CTBP1: variants seen among roughly 807,000 people sequenced by gnomAD.
The protein encoded by CTBP1 is C-terminal-binding protein 1.
In CTBP1, 11 loss-of-function variants were observed where a neutral mutation model predicts 42.1. That is an observed-to-expected ratio of 0.26 (90% CI 0.16 to 0.43). CTBP1 has a LOEUF of 0.43. Ranked by LOEUF, CTBP1 falls within the 20% of genes least tolerant of loss-of-function variation. The pLI is 1.00. For synonymous variants in CTBP1, 324 were observed against 277.1 expected (o/e 1.17, Z -1.68); for missense variants, 399 against 624.3 (o/e 0.64, Z 3.85).
chr4:1,239,846 T>G (rs537772906), intron 2 of CTBP1, among the ~76,000 whole-genome samples: 1 of 152,344 alleles, frequency 6.6e-6, no homozygotes, highest in Non-Finnish European at 1.5e-5. Context: ...CAAAACCGCG[T>G]CCTGGTTCGC....
intron 6 of CTBP1, among the ~76,000 whole-genome samples, 195 bp from the exon 7 acceptor site, chr4:1,214,668 G>T (rs1427789714): frequency 6.6e-6 from 1 of 152,260 alleles, no homozygotes; most frequent in Non-Finnish European, 1.5e-5. Flanking sequence ...GGCTGGCTGA[G>T]GATCTGCCCT....
At chr4:1,237,550 G>A (rs1321331733) in intron 3 of CTBP1, 4 of 679,742 alleles carry the variant, frequency 5.9e-6, no homozygotes, top group Non-Finnish European at 1.1e-5. Context: ...TCCACCTCCT[G>A]ATGGGGCTCA....
At chr4:1,234,343 C>T (rs540575092) in intron 3 of CTBP1, among the ~76,000 whole-genome samples, 1 of 152,316 alleles carries the variant, frequency 6.6e-6, no homozygotes, top group South Asian at 2.1e-4. Flanking sequence ...CTTTCTGTGG[C>T]GCCGGCTCTG....
intron 4 of CTBP1, among the ~76,000 whole-genome samples, chr4:1,225,929 C>T (rs1168751314): frequency 2.0e-5 from 3 of 152,058 alleles, no homozygotes; most frequent in African/African-American, 4.8e-5. Context: ...CGATTCCTCT[C>T]GGGGGTACCC....
chr4:1,242,911 G>A (rs906764098), intron 1 of CTBP1: 4 of 985,050 alleles, frequency 4.1e-6, no homozygotes, highest in Non-Finnish European at 4.8e-6. Flanking sequence ...ACTCATCAAT[G>A]CCAGCCGATA....
chr4:1,228,422 G>A, intron 3 of CTBP1, 79 bp from the exon 4 acceptor site: 2 of 1,523,686 alleles, frequency 1.3e-6, no homozygotes, highest in African/African-American at 1.4e-5. Flanking sequence ...GGCTGCCCCG[G>A]CTGGGAAATT....
At chr4:1,247,627 G>T (rs1354751628) in intron 1 of CTBP1, among the ~76,000 whole-genome samples, 1 of 152,196 alleles carries the variant, frequency 6.6e-6, no homozygotes, top group Non-Finnish European at 1.5e-5. Context: ...GCTGCAGACG[G>T]GTACACAGAC....
rs1337029260 is a variant in CTBP1 at position 1,243,211 on chromosome 4, C to T, written c.-188-1692G>A. ...GGATCATCGATACCCATCAATGCTG[C>T]TCAATGCTTATCTATACTGGCCAGT... On this transcript the variant is annotated intron_variant, in intron 1 of 9. Coordinates refer to ENST00000382952, the MANE Select transcript of CTBP1 (RefSeq NM_001012614.2). 5 of 985,306 alleles carry T rather than the reference C, an allele frequency of 5.1e-6. No individual in the cohort carries two copies. In the African/African-American group the frequency reaches 8.7e-5, roughly 17 times the overall value. 61.0% of individuals were successfully genotyped at this position (985,306 alleles called of 1,614,324 possible).
At chr4:1,213,455 G>A in intron 8 of CTBP1, 23 bp downstream of exon 8, 2 of 1,606,526 alleles carry the variant, frequency 1.2e-6, no homozygotes, top group East Asian at 4.5e-5. Context: ...CCCCAGGCCT[G>A]ACCGAGCGGC....
intron 2 of CTBP1, among the ~76,000 whole-genome samples, chr4:1,240,232 G>A (rs1732029545): frequency 1.5e-5 from 2 of 132,822 alleles, no homozygotes; most frequent in African/African-American, 2.8e-5. Context: ...CGTCGGAACC[G>A]TGTGGGGCAC....
chr4:1,220,963 G>A (rs769064341), intron 5 of CTBP1, among the ~76,000 whole-genome samples: 17 of 152,236 alleles, frequency 1.1e-4, no homozygotes, highest in Non-Finnish European at 2.1e-4. Context: ...CGGGTGATAC[G>A]CTGGGCTTCA....
intron 4 of CTBP1, among the ~76,000 whole-genome samples, chr4:1,226,274 C>T (rs1402135650): frequency 6.6e-6 from 1 of 152,124 alleles, no homozygotes; most frequent in Non-Finnish European, 1.5e-5. Flanking sequence ...TGGCCAGGGC[C>T]GCCCCTGCAC....
chr4:1,248,791 AC>A, intron 1 of CTBP1, 124 bp downstream of exon 1: 1 of 941,430 alleles, frequency 1.1e-6, no homozygotes, highest in Non-Finnish European at 1.3e-6. Context: ...GCGCACGCGC[AC>A]TCGCACACAA....
At chr4:1,214,600 GGGCTCACC>G in intron 6 of CTBP1, 127 bp from the exon 7 acceptor site, 2 of 1,250,342 alleles carry the variant, frequency 1.6e-6, no homozygotes, top group Middle Eastern at 5.0e-4. Context: ...GCCCCACCCT[GGGCTCACC>G]ACGGCGCTAG....
In CTBP1 at chr4:1,221,625, G is replaced by C. The variant is rs577822583; in HGVS notation, c.514+3735C>G. The stretch of plus-strand genomic sequence containing the variant: ...AGAGGCATCACCCCGACTGACGGGA[G>C]GCGGACACAGAAGGCTGCGTGCCCG... On this transcript the variant is annotated intron_variant, in intron 5 of 9. Transcript: ENST00000382952. 1.9e-3 allele frequency: 461 copies of C among 243,486 alleles called. 11 individuals are homozygous for C. The highest frequency in any genetic ancestry group is 0.016 in the South Asian group (451 of 28,060). The allele number at this position is 243,486 out of a possible 1,614,324, so 15.1% of individuals were successfully genotyped here.
chr4:1,215,820 GCTGT>G, intron 6 of CTBP1, 167 bp downstream of exon 6: 2 of 648,002 alleles, frequency 3.1e-6, no homozygotes, highest in Non-Finnish European at 5.3e-6. Context: ...CACAGAAAAC[GCTGT>G]CTGGGCAGAC....
At chr4:1,218,911 C>T (rs990887072) in intron 5 of CTBP1, among the ~76,000 whole-genome samples, 2 of 152,036 alleles carry the variant, frequency 1.3e-5, no homozygotes, top group African/African-American at 2.4e-5. Context: ...CAGATGACAC[C>T]GAAATCCAAA....
chr4:1,245,033 A>G, intron 1 of CTBP1: 2 of 985,444 alleles, frequency 2.0e-6, no homozygotes, highest in Non-Finnish European at 2.4e-6. Flanking sequence ...CACTGGGCTG[A>G]GAGCACGGGG....
chr4:1,248,710 C>A (rs1577090714), intron 1 of CTBP1: 3 of 982,020 alleles, frequency 3.1e-6, no homozygotes, highest in Non-Finnish European at 2.4e-6. Context: ...CGCGCACACG[C>A]AGCGGCCCGC....
Sources: gnomAD v4.1 joint callset for allele counts (sites outside exome capture counted in the v4.1 genomes callset) on GRCh38, gnomAD v4.1.1 for gene constraint, MANE v1.5 for transcripts, NCBI Gene and HGNC (gene_info 2026-07-23, HGNC 2026-07-21) for gene names.